ADARB1: variants seen among roughly 807,000 people sequenced by gnomAD.
ADARB1 encodes adenosine deaminase RNA specific B1.
ADARB1 carries 10 observed loss-of-function variants against 52.4 expected under a neutral mutation model. The observed-to-expected ratio is 0.19, with a 90% CI of 0.12 to 0.32. The LOEUF is 0.32. ADARB1 is among the 10% of genes least tolerant of loss of function. The pLI, the probability that ADARB1 is intolerant of heterozygous loss-of-function variation, is 1.00. For missense variants in ADARB1, 643 were observed against 922.3 expected, an observed-to-expected ratio of 0.70 and a Z score of 3.92; for synonymous variants, 349 against 371.1, an observed-to-expected ratio of 0.94 and a Z score of 0.68.
In ADARB1 at chr21:45,195,840, G is replaced by A. The variant is rs2092412904; in HGVS notation, c.1566-8715G>A. Among the ~76,000 whole-genome samples the A allele has an allele frequency of 1.3e-5, 2 of 152,112 alleles. 1 individual carries two copies. Among genetic ancestry groups the A allele is most frequent in the African/African-American group, 4.8e-5 (2 of 41,434 alleles). ...ATAGTAAGTCTTTAAGTCAGGTAAT[G>A]TTAGTATTACAGCTTCATTATATTC... is the stretch of plus-strand genomic sequence containing the variant. On this transcript the variant is annotated intron_variant, in intron 8 of 10. Coordinates refer to ENST00000348831, the MANE Select transcript of ADARB1 (RefSeq NM_001112.4).
Position 45,225,368 on chromosome 21 carries a change from C to A in ADARB1, c.*3171C>A, listed in dbSNP as rs982640759. The A allele has an allele frequency of 1.3e-5, 16 of 1,248,110 alleles. 1 individual carries two copies. Among genetic ancestry groups the A allele is most frequent in the Middle Eastern group, 3.1e-4 (1 of 3,260 alleles). The allele number at this position is 1,248,110 out of a possible 1,614,324, so 77.3% of individuals were successfully genotyped here. On this transcript the variant is annotated 3_prime_UTR_variant, in exon 11 of 11. Transcript: ENST00000348831. Reference sequence around the variant, plus strand: ...TTAATTTAACTTTTCATCATCTTTTCCTATTTTGGAGAATTTTTTGTAATT... The same window carrying A: ...TTAATTTAACTTTTCATCATCTTTTACTATTTTGGAGAATTTTTTGTAATT...
intron 1 of ADARB1, among the ~76,000 whole-genome samples, chr21:45,126,139 T>C (rs565310946): frequency 6.6e-6 from 1 of 152,358 alleles, no homozygotes; most frequent in Non-Finnish European, 1.5e-5. Flanking sequence ...ATACTTGGCT[T>C]GTTAATTTCT....
intron 8 of ADARB1, among the ~76,000 whole-genome samples, chr21:45,190,462 G>T (rs1337953116): frequency 6.6e-6 from 1 of 152,034 alleles, no homozygotes; most frequent in Non-Finnish European, 1.5e-5. Context: ...GTCAGTTTCT[G>T]GAAATTTACT....
chr21:45,174,431 G>A (rs2091607154), intron 3 of ADARB1, among the ~76,000 whole-genome samples: 1 of 152,162 alleles, frequency 6.6e-6, no homozygotes, highest in Middle Eastern at 3.4e-3. Context: ...GGCTGGGCAC[G>A]GTGGCTCACA....
At chr21:45,216,170 C>T (rs1460771708) in intron 9 of ADARB1, among the ~76,000 whole-genome samples, 3 of 151,902 alleles carry the variant, frequency 2.0e-5, no homozygotes, top group Middle Eastern at 3.4e-3. Flanking sequence ...TCGTCTTATC[C>T]CTTATATTGA....
intron 8 of ADARB1, among the ~76,000 whole-genome samples, chr21:45,195,641 GT>G (rs2092408438): frequency 1.3e-5 from 2 of 151,288 alleles, no homozygotes; most frequent in Admixed American, 1.3e-4. Context: ...ATGTCCATTG[GT>G]TCTAGCACTG....
intron 8 of ADARB1, among the ~76,000 whole-genome samples, chr21:45,188,580 A>G (rs2092184129): frequency 1.3e-5 from 2 of 151,818 alleles, no homozygotes; most frequent in African/African-American, 4.8e-5. Flanking sequence ...TAGATCCAAA[A>G]TTAGTCTCTT....
rs868210819 is a variant in ADARB1, at chr21:45,134,038, C to T, written c.-48+5465C>T. The stretch of plus-strand genomic sequence containing the variant: ...TGTGCCCGACAGTGGTGTGTGCGCC[C>T]GATGGGTGTGTGTGCCCGACAGTGG... On this transcript the variant is annotated intron_variant, in intron 2 of 10. Transcript: ENST00000348831. Among the ~76,000 whole-genome samples, 335 of 102,468 alleles carry T rather than the reference C, an allele frequency of 3.3e-3. 2 individuals carry two copies. Among genetic ancestry groups the T allele is most frequent in the Non-Finnish European group, 5.1e-3 (259 of 50,622 alleles). 67.2% of individuals were successfully genotyped at this position (102,468 alleles called of 152,430 possible). A position where few individuals can be genotyped will look rare whatever the true frequency, so the allele number is the denominator to read the frequency against.
intron 1 of ADARB1, among the ~76,000 whole-genome samples, chr21:45,110,009 T>TA (rs1432379891): frequency 6.6e-6 from 1 of 152,240 alleles, no homozygotes; most frequent in Non-Finnish European, 1.5e-5. Context: ...CATCTATTTT[T>TA]ACCTCACAGT....
In ADARB1 at chr21:45,221,894, C is replaced by T; in HGVS notation, c.1927-124C>T. On this transcript the variant is annotated intron_variant, in intron 10 of 10. Transcript: ENST00000348831. The surrounding 1 kb of genome is among the most constrained non-coding windows in gnomAD (Gnocchi z 4.9). Reference sequence around the variant, plus strand: ...CGTTCCCTTGGCAGAAGGCGCCTTCCTCTGGGTTGCTTTCCCCCCAGAAGC... The same window carrying T: ...CGTTCCCTTGGCAGAAGGCGCCTTCTTCTGGGTTGCTTTCCCCCCAGAAGC... 9.4e-7 allele frequency: 1 copy of T among 1,066,406 alleles called. No individual in the cohort carries two copies. Among genetic ancestry groups the T allele is most frequent in the Non-Finnish European group, 1.4e-6 (1 of 738,216 alleles). The allele number at this position is 1,066,406 out of a possible 1,614,324, so 66.1% of individuals were successfully genotyped here. A position where few individuals can be genotyped will look rare whatever the true frequency, so the allele number is the denominator to read the frequency against.
chr21:45,123,159 A>C (rs1344180627), intron 1 of ADARB1, among the ~76,000 whole-genome samples: 1 of 152,166 alleles, frequency 6.6e-6, no homozygotes, highest in Non-Finnish European at 1.5e-5. Context: ...TTTTAATTGC[A>C]TGTCCATGTA....
chr21:45,122,780 G>A (rs892059519), intron 1 of ADARB1, among the ~76,000 whole-genome samples: 2 of 152,180 alleles, frequency 1.3e-5, no homozygotes, highest in African/African-American at 4.8e-5. Context: ...CGTAGCTTGC[G>A]AGCTTGCCTC....
At chr21:45,187,234 C>T (rs2092139420) in intron 8 of ADARB1, among the ~76,000 whole-genome samples, 1 of 152,132 alleles carries the variant, frequency 6.6e-6, no homozygotes, top group South Asian at 2.1e-4. Flanking sequence ...GCCATTCACC[C>T]CCTTGGTTAG....
Position 45,226,278 on chromosome 21 carries a change from A to G in ADARB1, c.*4081A>G, listed in dbSNP as rs1274986551. On this transcript the variant is annotated 3_prime_UTR_variant, in exon 11 of 11. Coordinates refer to ENST00000348831, the MANE Select transcript of ADARB1 (RefSeq NM_001112.4). ...TTAAAAGCACAGTCTATGGAACGCT[A>G]ATGGAGTCAGCCCCTAAAGCTGTTT... 1 of 152,566 alleles carries G rather than the reference A, an allele frequency of 6.6e-6. No individual in the cohort carries two copies. The highest frequency in any genetic ancestry group is 6.5e-5 in the Admixed American group (1 of 15,286). 9.5% of individuals were successfully genotyped at this position (152,566 alleles called of 1,614,324 possible). A position where few individuals can be genotyped will look rare whatever the true frequency, so the allele number is the denominator to read the frequency against.
chr21:45,140,148 G>T (rs2089642259), intron 2 of ADARB1, among the ~76,000 whole-genome samples: 1 of 151,854 alleles, frequency 6.6e-6, no homozygotes, highest in South Asian at 2.1e-4. Flanking sequence ...TTGCCATGTT[G>T]GCCAGGCTAG....
At chr21:45,148,104 A>T (rs2090099216) in intron 2 of ADARB1, among the ~76,000 whole-genome samples, 1 of 152,152 alleles carries the variant, frequency 6.6e-6, no homozygotes, top group Admixed American at 6.5e-5. Context: ...GTGAGAACGG[A>T]GGCTCTGCTT....
intron 1 of ADARB1, chr21:45,101,108 T>C (rs1479941048): frequency 6.6e-6 from 1 of 152,264 alleles, no homozygotes; most frequent in Non-Finnish European, 1.5e-5. Context: ...CGGGAGTGTC[T>C]GTTCCGCGGT....
At chr21:45,094,914 C>T (rs2086696656) in intron 1 of ADARB1, among the ~76,000 whole-genome samples, 1 of 152,182 alleles carries the variant, frequency 6.6e-6, no homozygotes, top group Non-Finnish European at 1.5e-5. Flanking sequence ...GAGGTTTGCA[C>T]TCAGTCTCCT....
chr21:45,166,343 A>C (rs1407667831), intron 2 of ADARB1, among the ~76,000 whole-genome samples: 1 of 152,234 alleles, frequency 6.6e-6, no homozygotes, highest in Non-Finnish European at 1.5e-5. Context: ...GAGCTCATGA[A>C]GAAATGATCA....
Sources: allele counts gnomAD v4.1 joint callset (sites outside exome capture counted in the v4.1 genomes callset), GRCh38; gene constraint gnomAD v4.1.1; non-coding constraint Gnocchi (gnomAD v3.1); transcripts MANE v1.5; gene names NCBI Gene and HGNC (gene_info 2026-07-23, HGNC 2026-07-21).